SPAG16: variants seen among roughly 807,000 people sequenced by gnomAD.
SPAG16 encodes the protein sperm associated antigen 16.
SPAG16 carries 86 observed loss-of-function variants against 80.4 expected under a neutral mutation model. The ratio of observed to expected loss-of-function variants is 1.07; its 90% confidence interval spans 0.90 to 1.28. The LOEUF is 1.28. Ranked by LOEUF, SPAG16 falls within the 50% of genes most tolerant of loss-of-function variation. The pLI, the probability that SPAG16 is intolerant of heterozygous loss-of-function variation, is 0.00. For missense variants in SPAG16, 870 were observed against 765.3 expected (o/e 1.14, Z -1.61); for synonymous variants, 294 against 265.9 (o/e 1.11, Z -1.03).
intron 10 of SPAG16, among the ~76,000 whole-genome samples, chr2:213,728,921 A>T (rs1231743832): frequency 5.3e-5 from 7 of 133,146 alleles, no homozygotes; most frequent in Non-Finnish European, 1.1e-4. Flanking sequence ...AAAAAAAAAA[A>T]GATGATGGAA....
At chr2:214,282,871 A>G (rs1339332623) in intron 15 of SPAG16, among the ~76,000 whole-genome samples, 1 of 152,126 alleles carries the variant, frequency 6.6e-6, no homozygotes, top group Non-Finnish European at 1.5e-5. Context: ...CATATTATGT[A>G]TGATAGCAGA....
chr2:213,959,123 G>A (rs1171567199), intron 12 of SPAG16, among the ~76,000 whole-genome samples: 1 of 152,058 alleles, frequency 6.6e-6, no homozygotes, highest in African/African-American at 2.4e-5. Context: ...AGAATCTGAT[G>A]GTAATCTTAT....
At chr2:213,414,019 A>G (rs1045582764) in intron 9 of SPAG16, among the ~76,000 whole-genome samples, 1 of 152,234 alleles carries the variant, frequency 6.6e-6, no homozygotes, top group Non-Finnish European at 1.5e-5. Flanking sequence ...ACCTGAAAAT[A>G]TAAAATAATA....
intron 13 of SPAG16, among the ~76,000 whole-genome samples, chr2:214,080,266 A>G (rs2051306661): frequency 6.6e-6 from 1 of 152,128 alleles, no homozygotes; most frequent in Non-Finnish European, 1.5e-5. Flanking sequence ...AATTTCTCAA[A>G]TAACAAGTTC....
At chr2:214,144,113 G>A (rs530908663) in intron 14 of SPAG16, among the ~76,000 whole-genome samples, 12 of 152,178 alleles carry the variant, frequency 7.9e-5, no homozygotes, top group Non-Finnish European at 1.0e-4. Flanking sequence ...TTGAACTGCA[G>A]TCCACCCTGG....
At chr2:214,228,508 C>G (rs982793471) in intron 15 of SPAG16, among the ~76,000 whole-genome samples, 7 of 151,746 alleles carry the variant, frequency 4.6e-5, no homozygotes, top group African/African-American at 1.5e-4. Flanking sequence ...ATCTTTGGAT[C>G]ATACTATCAA....
intron 15 of SPAG16, among the ~76,000 whole-genome samples, chr2:214,152,517 A>T (rs1201638953): frequency 2.6e-5 from 4 of 152,170 alleles, no homozygotes; most frequent in African/African-American, 9.7e-5. Flanking sequence ...GGAACTCAGC[A>T]TCTTCATCTA....
At chr2:214,387,978 C>G (rs1005136492) in intron 15 of SPAG16, among the ~76,000 whole-genome samples, 4 of 151,082 alleles carry the variant, frequency 2.6e-5, no homozygotes, top group Non-Finnish European at 4.4e-5. Flanking sequence ...ACATTTCTCT[C>G]CAAGTGATGA....
intron 13 of SPAG16, among the ~76,000 whole-genome samples, chr2:214,033,535 G>A (rs1214087942): frequency 6.6e-6 from 1 of 152,112 alleles, no homozygotes; most frequent in Non-Finnish European, 1.5e-5. Context: ...ATGAGAACAT[G>A]ACACAAAAAG....
At chr2:213,976,334 A>G (rs943285003) in intron 12 of SPAG16, among the ~76,000 whole-genome samples, 13 of 148,642 alleles carry the variant, frequency 8.7e-5, no homozygotes, top group Non-Finnish European at 1.9e-4. Flanking sequence ...GCATGTGTGC[A>G]CATATATATA....
At chr2:213,795,808 C>G (rs1311384150) in intron 10 of SPAG16, among the ~76,000 whole-genome samples, 1 of 152,168 alleles carries the variant, frequency 6.6e-6, no homozygotes, top group South Asian at 2.1e-4. Flanking sequence ...TAAAACGTAC[C>G]TGCTTTTCCT....
chr2:214,270,747 T>G (rs1357234040), intron 15 of SPAG16, among the ~76,000 whole-genome samples: 5 of 152,150 alleles, frequency 3.3e-5, no homozygotes, highest in African/African-American at 4.8e-5. Context: ...GTTCTTGGAT[T>G]TAAATATCCT....
At position 213,498,771 on chromosome 2, in the gene SPAG16, G is replaced by T. The variant is rs1274887094; in HGVS notation, c.1070+8681G>T. On this transcript the variant is annotated intron_variant, in intron 10 of 15. Transcript: ENST00000331683. ...TATCATCCATATGGTCATCTAAGAT[G>T]ACCTGTGAGTCTTTTTAACATCCTC... is the stretch of plus-strand genomic sequence containing the variant. 2.6e-5 allele frequency among the ~76,000 whole-genome samples: 4 copies of T among 152,128 alleles called. No homozygotes were observed. The East Asian group carries it at 7.7e-4, about 29-fold the overall frequency.
chr2:213,643,514 T>C (rs1172231357), intron 10 of SPAG16, among the ~76,000 whole-genome samples: 3 of 148,376 alleles, frequency 2.0e-5, no homozygotes, highest in African/African-American at 7.4e-5. Flanking sequence ...TGCTTGGTGT[T>C]CTACAACCTT....
chr2:214,004,604 T>C (rs906644711), intron 12 of SPAG16, among the ~76,000 whole-genome samples: 4 of 152,036 alleles, frequency 2.6e-5, no homozygotes, highest in African/African-American at 9.7e-5. Flanking sequence ...GTCGATTCTT[T>C]TGGCAGCCCT....
At chr2:213,651,430 C>T (rs1335432346) in intron 10 of SPAG16, among the ~76,000 whole-genome samples, 3 of 152,130 alleles carry the variant, frequency 2.0e-5, no homozygotes, top group South Asian at 4.1e-4. Flanking sequence ...CAGGAGAAAC[C>T]GGTACTTCCT....
At chr2:214,262,715 T>TA (rs202149654) in intron 15 of SPAG16, among the ~76,000 whole-genome samples, 2,423 of 152,202 alleles carry the variant, frequency 0.016, 39 homozygotes, top group African/African-American at 0.036. Context: ...TATTTGGCTC[T>TA]AAAAGTATTT....
At chr2:213,725,633 AG>A (rs2066733548) in intron 10 of SPAG16, among the ~76,000 whole-genome samples, 1 of 152,206 alleles carries the variant, frequency 6.6e-6, no homozygotes, top group Admixed American at 6.5e-5. Flanking sequence ...CATAAAGAAG[AG>A]GGTGCGGCGT....
At chr2:213,923,906 G>A (rs1219463323) in intron 11 of SPAG16, 1 of 152,078 alleles carries the variant, frequency 6.6e-6, no homozygotes, top group Non-Finnish European at 1.5e-5. Flanking sequence ...GTGGGGTCAT[G>A]TGCAGCCTCC....
Sources: allele counts gnomAD v4.1 joint callset (sites outside exome capture counted in the v4.1 genomes callset), GRCh38; gene constraint gnomAD v4.1.1; transcripts MANE v1.5; gene names NCBI Gene and HGNC (gene_info 2026-07-23, HGNC 2026-07-21).